Variants in EFEMP2 observed in about 807,000 individuals in gnomAD.
The protein encoded by EFEMP2 is EGF-like fibulin extracellular matrix protein 2, also known as EGF-containing fibulin-like extracellular matrix protein 2.
EFEMP2 carries 21 observed loss-of-function variants against 55.3 expected under a neutral mutation model. The ratio of observed to expected loss-of-function variants is 0.38; its 90% CI spans 0.27 to 0.55. The LOEUF (loss-of-function observed/expected upper bound fraction) is 0.55, where lower values mean the gene tolerates loss of function less well. Ranked by LOEUF, EFEMP2 falls within the 20% of genes least tolerant of loss-of-function variation. EFEMP2 has a pLI of 0.77. For synonymous variants in EFEMP2, 275 were observed against 242.3 expected, an observed-to-expected ratio of 1.14 and a Z score of -1.25; for missense variants, 513 against 615.1, an observed-to-expected ratio of 0.83 and a Z score of 1.76.
Position 65,871,161 on chromosome 11 carries a change from A to C in EFEMP2, c.363T>G (p.Cys121Trp). 1 of 1,614,114 alleles carries C rather than the reference A, an allele frequency of 6.2e-7. No homozygotes were observed. The highest frequency in any genetic ancestry group is 8.5e-7 in the Non-Finnish European group (1 of 1,180,020). ...ACCAGAGCAGTCCCCACTCACCCACACAGCTGTCCTGATCGTCGGGCTCAT... is the reference window on the plus strand; with the variant it reads ...ACCAGAGCAGTCCCCACTCACCCACCCAGCTGTCCTGATCGTCGGGCTCAT... ...PGYEPDDQDS[C>W]VDVDECAQAL... The change falls in exon 4 of 11, where the codon TGT (cysteine) becomes TGG (tryptophan). Residue 121 changes from cysteine (C) to tryptophan (W), a missense_variant. Cys to Trp is a radical substitution (Grantham distance 215). Coordinates refer to ENST00000307998, the MANE Select transcript of EFEMP2 (RefSeq NM_016938.5).
intron 7 of EFEMP2, 88 bp from the exon 8 acceptor site, chr11:65,868,717 A>C: frequency 1.3e-6 from 2 of 1,561,930 alleles, no homozygotes; most frequent in African/African-American, 2.7e-5. Flanking sequence ...GCCCAGCCCC[A>C]TGTTAGACTG....
rs1266555258 is a variant in EFEMP2 at position 65,868,303 on chromosome 11, G to A, written c.966C>T (p.Val322=). 1 of 1,613,722 alleles carries A rather than the reference G, an allele frequency of 6.2e-7. No homozygotes were observed. Among genetic ancestry groups the A allele is most frequent in the Non-Finnish European group, 8.5e-7 (1 of 1,180,028 alleles). ...GCATCGAATTGACTCACTTCTCAGA[G>A]ACCTGGATGTAGGGCTCCACGCAGC... ...TNRCVEPYIQ[V]SENRCLCPAS... is the part of the protein sequence containing the mutation. Residue 322 remains valine (V), a synonymous_variant, in exon 9 of 11, where the codon GTC becomes GTT. Transcript: ENST00000307998.
intron 7 of EFEMP2, 53 bp from the exon 8 acceptor site, chr11:65,868,682 A>C: frequency 1.2e-6 from 2 of 1,610,842 alleles, no homozygotes; most frequent in Non-Finnish European, 1.7e-6. Flanking sequence ...CTCACCATTC[A>C]GTCCCACAAA....
intron 4 of EFEMP2, 176 bp from the exon 5 acceptor site, chr11:65,870,834 A>C: frequency 1.1e-6 from 1 of 881,670 alleles, no homozygotes; most frequent in South Asian, 1.5e-5. Context: ...TTGCACAGGA[A>C]ATAAGGTCCT....
chr11:65,867,829 T>G (rs763358591), intron 10 of EFEMP2, 32 bp downstream of exon 10: 14 of 1,611,340 alleles, frequency 8.7e-6, no homozygotes, highest in Non-Finnish European at 1.0e-5. Flanking sequence ...TTTTAGATTG[T>G]GCATGTCAGT....
At chr11:65,868,487 C>T in intron 8 of EFEMP2, 23 bp downstream of exon 8, 1 of 1,613,898 alleles carries the variant, frequency 6.2e-7, no homozygotes, top group Non-Finnish European at 8.5e-7. Context: ...CCGTCCTGCC[C>T]ATCCCACCCG....
intron 3 of EFEMP2, chr11:65,871,628 C>T: frequency 1.7e-6 from 1 of 598,870 alleles, no homozygotes; most frequent in South Asian, 2.0e-5. Flanking sequence ...CCTAGCTCAG[C>T]CCAAGATGGG....
rs758608227 is a variant in EFEMP2, at chr11:65,867,012, A to G, written c.1238T>C (p.Leu413Pro). The change falls in exon 11 of 11, where the codon CTG becomes CCG. Residue 413 changes from leucine to proline, a missense_variant. By Grantham distance (98) the Leu-to-Pro change is moderately conservative. Coordinates refer to ENST00000307998, the MANE Select transcript of EFEMP2 (RefSeq NM_016938.5). ...ATTCATGGTGACCATCTCCAGGTCCAGCACGTACTCCCGGGGGCCCGTCAC... is the reference window on the plus strand; with the variant it reads ...ATTCATGGTGACCATCTCCAGGTCCGGCACGTACTCCCGGGGGCCCGTCAC... ...RPVTGPREYVLDLEMVTMNSL... is the reference protein window; with the variant it reads ...RPVTGPREYVPDLEMVTMNSL... 6.2e-7 allele frequency: 1 copy of G among 1,614,198 alleles called. No individual in the cohort carries two copies. The highest frequency in any genetic ancestry group is 8.5e-7 in the Non-Finnish European group (1 of 1,180,032).
intron 4 of EFEMP2, 60 bp from the exon 5 acceptor site, chr11:65,870,718 T>C (rs1020140504): frequency 6.2e-7 from 1 of 1,611,376 alleles, no homozygotes; most frequent in Non-Finnish European, 8.5e-7. Flanking sequence ...ACATGACAGA[T>C]AGTTCCAACA....
chr11:65,871,132 A>C (rs757526111), intron 4 of EFEMP2, 25 bp downstream of exon 4: 1 of 1,613,444 alleles, frequency 6.2e-7, no homozygotes, highest in Admixed American at 1.7e-5. Flanking sequence ...ACTGGAAGCC[A>C]GGCACCAGAG....
At chr11:65,867,215 T>C (rs983709236) in intron 10 of EFEMP2, 136 bp from the exon 11 acceptor site, 1 of 996,704 alleles carries the variant, frequency 1.0e-6, no homozygotes, top group Non-Finnish European at 1.5e-6. Context: ...CAGCCTCTCA[T>C]GCAGCTCTTT....
chr11:65,870,689 G>A (rs529841291), intron 4 of EFEMP2, 31 bp from the exon 5 acceptor site: 6 of 1,613,510 alleles, frequency 3.7e-6, no homozygotes, highest in South Asian at 1.1e-5. Context: ...CCCCTGCCTG[G>A]GATCCCGCAC....
chr11:65,871,031 T>C (rs956500020), intron 4 of EFEMP2, 126 bp downstream of exon 4: 1 of 1,190,944 alleles, frequency 8.4e-7, no homozygotes, highest in South Asian at 1.3e-5. Flanking sequence ...CTAAACAACA[T>C]GAGTGTCTGG....
Position 65,866,467 on chromosome 11 carries a change from GA to G in EFEMP2, c.*450del, listed in dbSNP as rs1260957334. On this transcript the variant is annotated 3_prime_UTR_variant, in exon 11 of 11. Transcript: ENST00000307998. Reference sequence around the variant, plus strand: ...AACAGTCCAGTTGCCTCGTTTTATAGAAAAACAGGCCCAGGGAACTACTAGG... The same window carrying G: ...AACAGTCCAGTTGCCTCGTTTTATAGAAAACAGGCCCAGGGAACTACTAGG... 4 of 701,582 alleles carry G rather than the reference GA, an allele frequency of 5.7e-6. No individual in the cohort carries two copies. The highest frequency in any genetic ancestry group is 1.0e-5 in the Non-Finnish European group (4 of 384,556). The allele number at this position is 701,582 out of a possible 1,614,324, so 43.5% of individuals were successfully genotyped here. A position where few individuals can be genotyped will look rare whatever the true frequency, so the allele number is the denominator to read the frequency against.
At position 65,869,923 on chromosome 11, in the gene EFEMP2, A is replaced by G; in HGVS notation, c.661T>C (p.Tyr221His). 1.2e-6 allele frequency: 2 copies of G among 1,614,038 alleles called. No homozygotes were observed. The highest frequency in any genetic ancestry group is 2.2e-5 in the South Asian group (2 of 91,088). ...APCEQRCFNS[Y>H]GTFLCRCHQG... ...TGGCAGCGACACAGGAAGGTCCCAT[A>G]GGAGTTGAAGCAGCGCTGCTCGCAT... Residue 221 changes from tyrosine to histidine, a missense_variant, in exon 7 of 11, where the codon TAT becomes CAT. Transcript: ENST00000307998.
intron 2 of EFEMP2, 66 bp downstream of exon 2, chr11:65,872,178 C>T (rs1160009639): frequency 1.1e-5 from 16 of 1,511,118 alleles, no homozygotes; most frequent in Non-Finnish European, 9.0e-6. Flanking sequence ...GCAGCAGTCA[C>T]CCTGGGTCCC....
intron 5 of EFEMP2, 91 bp downstream of exon 5, chr11:65,870,445 G>A (rs1043545284): frequency 1.5e-5 from 23 of 1,585,620 alleles, no homozygotes; most frequent in Admixed American, 1.8e-5. Flanking sequence ...GGCCGGGGGT[G>A]AAGCCTGGCT....
At chr11:65,867,266 C>A in intron 10 of EFEMP2, 187 bp from the exon 11 acceptor site, 2 of 652,694 alleles carry the variant, frequency 3.1e-6, no homozygotes. Flanking sequence ...GGCTCCTGCC[C>A]TCAGAAATCT....
At chr11:65,872,051 C>T in intron 2 of EFEMP2, 33 bp from the exon 3 acceptor site, 2 of 1,551,326 alleles carry the variant, frequency 1.3e-6, no homozygotes, top group African/African-American at 1.4e-5. Context: ...CAGTGGTCAC[C>T]CTAAGATCTC....
Sources: gnomAD v4.1 joint callset for allele counts on GRCh38, gnomAD v4.1.1 for gene constraint, MANE v1.5 for transcripts, NCBI Gene and HGNC (gene_info 2026-07-23, HGNC 2026-07-21) for gene names.